Variants in PFKM observed in about 807,000 individuals in gnomAD.
PFKM encodes phosphofructokinase, muscle.
Under a neutral mutation model 95.5 loss-of-function variants are expected in PFKM, and 58 were observed. The ratio of observed to expected loss-of-function variants is 0.61; its 90% CI spans 0.49 to 0.76. The LOEUF is 0.76. Among genes scored for constraint, PFKM ranks in the 30% least tolerant of loss-of-function variants. The pLI, the probability that PFKM is intolerant of heterozygous loss-of-function variation, is 0.00. For synonymous variants in PFKM, 336 were observed against 357.2 expected, an observed-to-expected ratio of 0.94 and a Z score of 0.67; for missense variants, 678 against 1,005.4, an observed-to-expected ratio of 0.67 and a Z score of 4.40.
chr12:48,121,023 T>C (rs1163259624), intron 1 of PFKM, among the ~76,000 whole-genome samples: 1 of 152,166 alleles, frequency 6.6e-6, no homozygotes, highest in African/African-American at 2.4e-5. Flanking sequence ...TGGTGGTGCA[T>C]GTCTGTAATC....
At chr12:48,113,247 A>G (rs191940370) in intron 3 of PFKM, among the ~76,000 whole-genome samples, 23 of 152,154 alleles carry the variant, frequency 1.5e-4, no homozygotes, top group African/African-American at 5.3e-4. Context: ...GAGACAAGGG[A>G]AGCTGGCCTT....
intron 3 of PFKM, among the ~76,000 whole-genome samples, chr12:48,112,650 G>A (rs1209529137): frequency 6.6e-6 from 1 of 152,168 alleles, no homozygotes; most frequent in Non-Finnish European, 1.5e-5. Context: ...GTTGTGGAGG[G>A]AGGTATTGAG....
intron 2 of PFKM, among the ~76,000 whole-genome samples, chr12:48,124,903 CT>C (rs1459879156): frequency 3.3e-5 from 5 of 152,288 alleles, no homozygotes; most frequent in African/African-American, 1.2e-4. Flanking sequence ...GTTTGATGGA[CT>C]CTAGTTCTCC....
intron 3 of PFKM, among the ~76,000 whole-genome samples, chr12:48,112,853 T>G (rs1038700051): frequency 1.4e-4 from 22 of 152,084 alleles, no homozygotes; most frequent in Non-Finnish European, 2.6e-4. Context: ...CTTTAATCCT[T>G]TTAAAGTGTG....
chr12:48,133,138 CT>C, intron 5 of PFKM, 81 bp downstream of exon 5: 1 of 1,413,842 alleles, frequency 7.1e-7, no homozygotes, highest in Non-Finnish European at 1.0e-6. Context: ...CCCCGCCCTG[CT>C]TTTACCTCCC....
chr12:48,115,020 G>A (rs553902524), upstream of PFKM, among the ~76,000 whole-genome samples: 18 of 152,272 alleles, frequency 1.2e-4, no homozygotes, highest in Non-Finnish European at 2.5e-4. Flanking sequence ...GAAGAGTAGA[G>A]TCATGGAGAA....
chr12:48,136,303 T>C (rs1043288766), intron 10 of PFKM, among the ~76,000 whole-genome samples: 1 of 152,136 alleles, frequency 6.6e-6, no homozygotes, highest in Non-Finnish European at 1.5e-5. Context: ...TAGGATTGGC[T>C]TTTTTTTCCA....
chr12:48,118,077 T>C (rs1004851349), upstream of PFKM, among the ~76,000 whole-genome samples: 1 of 152,170 alleles, frequency 6.6e-6, no homozygotes, highest in African/African-American at 2.4e-5. Context: ...AGAGAATAGA[T>C]TGTAAATGTT....
At chr12:48,132,310 A>G (rs1949591609) in intron 4 of PFKM, 2 of 288,246 alleles carry the variant, frequency 6.9e-6, no homozygotes, top group African/African-American at 2.2e-5. Flanking sequence ...ACCTAGAGCT[A>G]TTTTTCCTGT....
At chr12:48,133,794 G>C (rs1222434982) in intron 6 of PFKM, among the ~76,000 whole-genome samples, 1 of 152,140 alleles carries the variant, frequency 6.6e-6, no homozygotes, top group Non-Finnish European at 1.5e-5. Context: ...CATGAGCTAC[G>C]CTTTCCAACC....
chr12:48,123,940 C>G (rs1279110881), intron 2 of PFKM, among the ~76,000 whole-genome samples: 2 of 152,164 alleles, frequency 1.3e-5, no homozygotes, highest in Admixed American at 1.3e-4. Flanking sequence ...ACACTGAACT[C>G]TTTATTTAAG....
At chr12:48,123,756 G>T (rs1025702428) in intron 2 of PFKM, among the ~76,000 whole-genome samples, 1 of 152,150 alleles carries the variant, frequency 6.6e-6, no homozygotes, top group Non-Finnish European at 1.5e-5. Context: ...TTTTGAAGAA[G>T]TTGAATTCCT....
intron 6 of PFKM, 46 bp from the exon 7 acceptor site, chr12:48,134,186 T>G: frequency 6.4e-7 from 1 of 1,558,874 alleles, no homozygotes; most frequent in Non-Finnish European, 8.9e-7. Flanking sequence ...GGCTTGATCT[T>G]GGCCATAGGG....
Position 48,141,816 on chromosome 12 carries a change from G to C in PFKM, c.1489G>C (p.Gly497Arg). The change falls in exon 16 of 23, where the codon GGG becomes CGG. Residue 497 changes from glycine (G) to arginine (R), a missense_variant. Transcript: ENST00000359794. The part of the protein sequence containing the change: ...KFNIQGLVII[G>R]GFEAYTGGLE... ...TAACATTCAGGGCCTTGTCATCATT[G>C]GGGGCTTTGAGGTGAGTGCCTGCCA... 6.2e-7 allele frequency: 1 copy of C among 1,613,690 alleles called. No homozygotes were observed. The highest frequency in any genetic ancestry group is 8.5e-7 in the Non-Finnish European group (1 of 1,179,664).
intron 4 of PFKM, 44 bp from the exon 5 acceptor site, chr12:48,132,824 G>T: frequency 6.6e-7 from 1 of 1,521,942 alleles, no homozygotes; most frequent in African/African-American, 1.4e-5. Context: ...ATCTCAGCAT[G>T]TTGAGCCCTG....
Position 48,135,178 on chromosome 12 carries a change from A to G in PFKM, c.844-113A>G, listed in dbSNP as rs1949955357. 7 of 1,155,896 alleles carry G rather than the reference A, an allele frequency of 6.1e-6. No individual in the cohort carries two copies. In the South Asian group the frequency reaches 6.2e-5, roughly 10 times the overall value. The allele number at this position is 1,155,896 out of a possible 1,614,324, so 71.6% of individuals were successfully genotyped here. On this transcript the variant is annotated intron_variant, in intron 9 of 22. Transcript: ENST00000359794. ...CCCTGCCCCTGATTGCCTCCCACAA[A>G]GAACCATTACAAGACAAGAGGCTGA...
Position 48,139,617 on chromosome 12 carries a change from G to A in PFKM, c.1128-232G>A. ...AGATGATAAGTTCCTCTAGGCAAGG[G>A]ACAGTCTCTTGTGCTGAGCATAGTG... On this transcript the variant is annotated intron_variant, in intron 12 of 22. Transcript: ENST00000359794. 8 of 623,070 alleles carry A rather than the reference G, an allele frequency of 1.3e-5. No homozygotes were observed. The South Asian group carries it at 1.5e-4, about 12-fold the overall frequency. 38.6% of individuals were successfully genotyped at this position (623,070 alleles called of 1,614,324 possible).
At chr12:48,113,290 C>T (rs1035639877) in intron 3 of PFKM, among the ~76,000 whole-genome samples, 15 of 152,032 alleles carry the variant, frequency 9.9e-5, no homozygotes, top group African/African-American at 3.4e-4. Context: ...GGGTAGCCTC[C>T]GTATTGATTA....
At chr12:48,114,600 A>G (rs1947508339), upstream of PFKM, among the ~76,000 whole-genome samples, 1 of 152,104 alleles carries the variant, frequency 6.6e-6, no homozygotes, top group Non-Finnish European at 1.5e-5. Context: ...TTCAGTAGAA[A>G]AGGAAGATTC....
Sources: gnomAD v4.1 joint callset for allele counts (sites outside exome capture counted in the v4.1 genomes callset) on GRCh38, gnomAD v4.1.1 for gene constraint, MANE v1.5 for transcripts, NCBI Gene and HGNC (gene_info 2026-07-23, HGNC 2026-07-21) for gene names.